The following LRSAM1 variants were observed in gnomAD, a reference collection of about 807,000 sequenced individuals.
The protein encoded by LRSAM1 is E3 ubiquitin-protein ligase LRSAM1.
In LRSAM1, 96 loss-of-function variants were observed where a neutral mutation model predicts 118.1. The ratio of observed to expected loss-of-function variants is 0.81; its 90% confidence interval spans 0.69 to 0.96. The LOEUF (loss-of-function observed/expected upper bound fraction) is 0.96, where lower values mean the gene tolerates loss of function less well. Among genes scored for constraint, LRSAM1 ranks in the 40% least tolerant of loss-of-function variants. The probability of loss-of-function intolerance (pLI) is 0.00; values close to 1 mark genes in which losing one functional copy is unlikely to be tolerated. For synonymous variants in LRSAM1, 322 were observed against 364.2 expected (o/e 0.88, Z 1.32); for missense variants, 804 against 915.5 (o/e 0.88, Z 1.57).
chr9:127,457,614 A>G (rs968726938), intron 6 of LRSAM1, among the ~76,000 whole-genome samples: 1 of 152,228 alleles, frequency 6.6e-6, no homozygotes, highest in African/African-American at 2.4e-5. Context: ...GGGAGTTTAC[A>G]TGCCAGGAGG....
In LRSAM1 at chr9:127,467,725, C is replaced by G; in HGVS notation, c.529-15C>G. The stretch of plus-strand genomic sequence containing the variant: ...TGGTAGCGAACAGTAAAGCGGGTTA[C>G]CCTTGTGTCTGCAGATGCTGAGCCT... On this transcript the variant is annotated splice_polypyrimidine_tract_variant and intron_variant, in intron 9 of 25. Transcript: ENST00000300417. 1 of 1,606,082 alleles carries G rather than the reference C, an allele frequency of 6.2e-7. No homozygotes were observed. The highest frequency in any genetic ancestry group is 8.5e-7 in the Non-Finnish European group (1 of 1,176,786).
intron 20 of LRSAM1, 37 bp from the exon 21 acceptor site, chr9:127,492,765 C>G (rs779959555): frequency 1.0e-5 from 16 of 1,600,454 alleles, no homozygotes; most frequent in East Asian, 6.7e-5. Flanking sequence ...GCGCTGCCGC[C>G]AGCTCACGGT....
intron 24 of LRSAM1, among the ~76,000 whole-genome samples, chr9:127,498,757 A>T (rs1289311577): frequency 6.6e-6 from 1 of 152,272 alleles, no homozygotes; most frequent in East Asian, 1.9e-4. Flanking sequence ...GGTATACTTT[A>T]TATCAAATAT....
At chr9:127,464,023 A>G (rs1834843825) in intron 9 of LRSAM1, among the ~76,000 whole-genome samples, 2 of 152,206 alleles carry the variant, frequency 1.3e-5, no homozygotes, top group Admixed American at 1.3e-4. Flanking sequence ...CCACCTCTGT[A>G]TGACTCGGCT....
At chr9:127,501,321 C>T (rs577111585) in intron 25 of LRSAM1, among the ~76,000 whole-genome samples, 178 bp downstream of exon 25, 5 of 152,048 alleles carry the variant, frequency 3.3e-5, no homozygotes, top group South Asian at 2.1e-4. Context: ...ATATGAGCTG[C>T]GCTCACATCA....
At chr9:127,467,062 T>C (rs1649545078) in intron 9 of LRSAM1, among the ~76,000 whole-genome samples, 1 of 152,090 alleles carries the variant, frequency 6.6e-6, no homozygotes, top group Non-Finnish European at 1.5e-5. Flanking sequence ...ACACCACACT[T>C]TGAGACAAAT....
intron 21 of LRSAM1, among the ~76,000 whole-genome samples, chr9:127,493,854 G>A (rs1352473138): frequency 3.3e-5 from 5 of 152,318 alleles, no homozygotes; most frequent in East Asian, 3.9e-4. Context: ...AGACCGAGTC[G>A]TTCCTGTGTC....
rs781611387 is a variant in LRSAM1, at chr9:127,487,757, G to A, written c.1341G>A (p.Leu447=). The A allele has an allele frequency of 7.4e-6, 12 of 1,612,478 alleles. No homozygotes were observed. Among genetic ancestry groups the A allele is most frequent in the Middle Eastern group, 1.6e-4 (1 of 6,080 alleles). ...MDQNKAISQI[L]QESAMQKAAF... is the part of the protein sequence containing the mutation. ...AGAACAAAGCCATCAGCCAGATCCTGCAGGAGGTGAGCCCTCGCCCAGAGC... is the reference window on the plus strand; with the variant it reads ...AGAACAAAGCCATCAGCCAGATCCTACAGGAGGTGAGCCCTCGCCCAGAGC... Residue 447 remains leucine (L), a synonymous_variant, in exon 18 of 26, where the codon CTG becomes CTA. Transcript: ENST00000300417.
rs372964730 is a variant in LRSAM1 at position 127,457,898 on chromosome 9, T to G, written c.252+505T>G. On this transcript the variant is annotated intron_variant, in intron 6 of 25. Transcript: ENST00000300417. ...AGCCCAGCAGCACAGGCCCAATCTG[T>G]TATACTATATTGTTTAGGGAATAAT... 2.9e-4 allele frequency among the ~76,000 whole-genome samples: 44 copies of G among 152,016 alleles called. No homozygotes were observed. The East Asian group carries it at 5.2e-3, about 18-fold the overall frequency.
At position 127,492,783 on chromosome 9, in the gene LRSAM1, G is replaced by C. The variant is rs1293298669; in HGVS notation, c.1504-19G>C. Reference sequence around the variant, plus strand: ...CTGCCGCCAGCTCACGGTGGTGCGGGGTGTGGTCTTGTTCGCAGGAGATGA... The same window carrying C: ...CTGCCGCCAGCTCACGGTGGTGCGGCGTGTGGTCTTGTTCGCAGGAGATGA... On this transcript the variant is annotated intron_variant, in intron 20 of 25. Transcript: ENST00000300417. The C allele has an allele frequency of 6.2e-7, 1 of 1,611,368 alleles. No individual in the cohort carries two copies. Among genetic ancestry groups the C allele is most frequent in the Admixed American group, 1.7e-5 (1 of 59,970 alleles).
At position 127,467,778 on chromosome 9, in the gene LRSAM1, G is replaced by A. The variant is rs761890031; in HGVS notation, c.567G>A (p.Pro189=). 1.4e-5 allele frequency: 23 copies of A among 1,610,600 alleles called. No homozygotes were observed. Among genetic ancestry groups the A allele is most frequent in the Middle Eastern group, 1.6e-4 (1 of 6,074 alleles). The part of the protein sequence containing the change: ...SLDASAMVYP[P]REVCGAGTAA... Reference sequence around the variant, plus strand: ...ACGCCTCGGCCATGGTCTACCCGCCGCGGGAGGTGTGTGGTGCCGGCACTG... The same window carrying A: ...ACGCCTCGGCCATGGTCTACCCGCCACGGGAGGTGTGTGGTGCCGGCACTG... The change falls in exon 10 of 26, where the codon CCG becomes CCA. Residue 189 remains proline (P), a synonymous_variant. Coordinates refer to ENST00000300417, the MANE Select transcript of LRSAM1 (RefSeq NM_001005373.4).
intron 13 of LRSAM1, 25 bp downstream of exon 13, chr9:127,479,530 C>T (rs761235141): frequency 6.2e-7 from 1 of 1,612,824 alleles, no homozygotes; most frequent in Admixed American, 1.7e-5. Context: ...TGCTAGGGTC[C>T]AGCCTGGCTG....
At position 127,501,105 on chromosome 9, in the gene LRSAM1, G is replaced by A. The variant is rs778980908; in HGVS notation, c.2008G>A (p.Val670Met). Residue 670 changes from valine (V) to methionine (M), a missense_variant, in exon 25 of 26, where the codon GTG (valine) becomes ATG (methionine). Val to Met is a conservative substitution (Grantham distance 21). Transcript: ENST00000300417. ...ATCCGCTCCCCCTGCAGAGCTGGAG[G>A]TGCAGGCCTCAGAGTGTGTCGTGTG... ...RPSAPPAELE[V>M]QASECVVCLE... 3 of 1,613,894 alleles carry A rather than the reference G, an allele frequency of 1.9e-6. No homozygotes were observed. The highest frequency in any genetic ancestry group is 2.5e-6 in the Non-Finnish European group (3 of 1,180,026).
chr9:127,484,133 G>T (rs987338297), intron 16 of LRSAM1, among the ~76,000 whole-genome samples: 1 of 151,928 alleles, frequency 6.6e-6, no homozygotes, highest in African/African-American at 2.4e-5. Flanking sequence ...TCTGTGTGTG[G>T]ATTTGAGTGT....
chr9:127,469,842 G>A (rs1369419571), intron 10 of LRSAM1, among the ~76,000 whole-genome samples: 26 of 152,060 alleles, frequency 1.7e-4, no homozygotes. Flanking sequence ...GCGGGCGCCT[G>A]TAGTCCCAGC....
chr9:127,481,045 C>T (rs1835517213), intron 14 of LRSAM1, 138 bp from the exon 15 acceptor site: 3 of 852,808 alleles, frequency 3.5e-6, no homozygotes, highest in African/African-American at 3.4e-5. Context: ...CAGTAACTGG[C>T]TAAGAACCCA....
chr9:127,490,084 C>A (rs950693471), intron 19 of LRSAM1, among the ~76,000 whole-genome samples: 2 of 120,784 alleles, frequency 1.7e-5, no homozygotes, highest in African/African-American at 5.7e-5. Context: ...CGGCTGCTGA[C>A]CTTCAAGCCT....
intron 16 of LRSAM1, among the ~76,000 whole-genome samples, chr9:127,483,309 TC>T (rs1835607935): frequency 6.6e-6 from 1 of 152,178 alleles, no homozygotes; most frequent in South Asian, 2.1e-4. Flanking sequence ...GGGCCAGGTG[TC>T]GGGGCTCATG....
Position 127,457,403 on chromosome 9 carries a change from C to T in LRSAM1, c.252+10C>T, listed in dbSNP as rs765686374. 93 of 1,613,872 alleles carry T rather than the reference C, an allele frequency of 5.8e-5. No homozygotes were observed. The highest frequency in any genetic ancestry group is 4.9e-4 in the Middle Eastern group (3 of 6,062). On this transcript the variant is annotated intron_variant, in intron 6 of 25. Transcript: ENST00000300417. ...TCTGGCAACCATCAAGGTACTGGGC[C>T]CTCCTCCCAGGCAGCTGGGGCTCTG... is the stretch of plus-strand genomic sequence containing the variant.
Sources: gnomAD v4.1 joint callset for allele counts (sites outside exome capture counted in the v4.1 genomes callset) on GRCh38, gnomAD v4.1.1 for gene constraint, MANE v1.5 for transcripts, NCBI Gene and HGNC (gene_info 2026-07-23, HGNC 2026-07-21) for gene names.